USP38: variants seen among roughly 807,000 people sequenced by gnomAD.
USP38 encodes the protein ubiquitin carboxyl-terminal hydrolase 38.
A neutral mutation model predicts 94.3 loss-of-function variants in USP38; 49 were observed. The ratio of observed to expected loss-of-function variants is 0.52; its 90% CI spans 0.41 to 0.66. USP38 has a LOEUF of 0.66. Ranked by LOEUF, USP38 falls within the 30% of genes least tolerant of loss-of-function variation. USP38 has a pLI of 0.00. For synonymous variants in USP38, 468 were observed against 463.6 expected, an observed-to-expected ratio of 1.01 and a Z score of -0.12; for missense variants, 1,128 against 1,229.4, an observed-to-expected ratio of 0.92 and a Z score of 1.23.
At chr4:143,188,092 C>T in intron 2 of USP38, 131 bp downstream of exon 2, 2 of 1,111,848 alleles carry the variant, frequency 1.8e-6, no homozygotes, top group Non-Finnish European at 2.5e-6. Flanking sequence ...TAAAGATTCT[C>T]CAAATAGATT....
At position 143,221,602 on chromosome 4, in the gene USP38, C is replaced by T. The variant is rs952432649; in HGVS notation, c.*1146C>T. ...ATGTTAAAATGCCAAACCCTACCTT[C>T]CTACACTTTTTCTTTTGCCAGGAAA... On this transcript the variant is annotated 3_prime_UTR_variant, in exon 10 of 10. Coordinates refer to ENST00000307017, the MANE Select transcript of USP38 (RefSeq NM_032557.6). 4 of 152,208 alleles carry T rather than the reference C, an allele frequency of 2.6e-5. No homozygotes were observed. Among genetic ancestry groups the T allele is most frequent in the Admixed American group, 2.0e-4 (3 of 15,244 alleles). The allele number at this position is 152,208 out of a possible 1,614,324, so 9.4% of individuals were successfully genotyped here. A position where few individuals can be genotyped will look rare whatever the true frequency, so the allele number is the denominator to read the frequency against.
At position 143,222,375 on chromosome 4, in the gene USP38, T is replaced by C. The variant is rs1403945415; in HGVS notation, c.*1919T>C. 1 of 152,084 alleles carries C rather than the reference T, an allele frequency of 6.6e-6. No individual in the cohort carries two copies. Among genetic ancestry groups the C allele is most frequent in the African/African-American group, 2.4e-5 (1 of 41,452 alleles). The allele number at this position is 152,084 out of a possible 1,614,324, so 9.4% of individuals were successfully genotyped here. ...CACAGATACTCAAGTCCCTTATTTA[T>C]ATAAAATAGCACAGTATTTGCATAT... On this transcript the variant is annotated 3_prime_UTR_variant, in exon 10 of 10. Transcript: ENST00000307017.
Position 143,185,446 on chromosome 4 carries a change from C to T in USP38, c.-5C>T, listed in dbSNP as rs771304536. On this transcript the variant is annotated 5_prime_UTR_variant, in exon 1 of 10. Coordinates refer to ENST00000307017, the MANE Select transcript of USP38 (RefSeq NM_032557.6). ...CCCTGGCCCTGGCCTTGCAGCGTGG[C>T]GACAATGGACAAGATCCTGGAGGGC... The T allele has an allele frequency of 1.3e-6, 2 of 1,570,830 alleles. No individual in the cohort carries two copies. Among genetic ancestry groups the T allele is most frequent in the Non-Finnish European group, 1.7e-6 (2 of 1,155,100 alleles).
intron 9 of USP38, among the ~76,000 whole-genome samples, chr4:143,219,739 C>T (rs762125424): frequency 6.6e-6 from 1 of 152,036 alleles, no homozygotes; most frequent in African/African-American, 2.4e-5. Flanking sequence ...TGAAGCTAAG[C>T]ACCTAATAGT....
At chr4:143,189,002 G>C (rs1731313613) in intron 2 of USP38, among the ~76,000 whole-genome samples, 1 of 151,974 alleles carries the variant, frequency 6.6e-6, no homozygotes, top group Admixed American at 6.5e-5. Context: ...AAATAATTTA[G>C]TATGTTAGAT....
intron 4 of USP38, among the ~76,000 whole-genome samples, chr4:143,201,142 A>C (rs747084488): frequency 3.9e-5 from 6 of 152,220 alleles, no homozygotes; most frequent in African/African-American, 1.2e-4. Context: ...ACAGGGCTAC[A>C]GTAGTATATT....
chr4:143,201,107 A>G (rs150848624), intron 4 of USP38, among the ~76,000 whole-genome samples: 2 of 152,342 alleles, frequency 1.3e-5, no homozygotes, highest in Admixed American at 1.3e-4. Flanking sequence ...TGGAGCCATC[A>G]CATTACCCAG....
Position 143,213,659 on chromosome 4 carries a change from T to G in USP38, c.1683T>G (p.Ser561=), listed in dbSNP as rs772193654. ...PSEILECSET[S]LQEVASKAAV... is the part of the protein sequence containing the mutation. ...AAATTCTGGAATGCAGTGAAACTTC[T>G]TTACAGGAAGTAGCTAGTAAAGCAG... Residue 561 remains serine (S), a synonymous_variant, in exon 9 of 10, where the codon TCT becomes TCG. Transcript: ENST00000307017. The G allele has an allele frequency of 5.0e-6, 8 of 1,613,502 alleles. No homozygotes were observed. In the South Asian group the frequency reaches 8.8e-5, roughly 18 times the overall value.
intron 2 of USP38, among the ~76,000 whole-genome samples, chr4:143,194,512 T>G (rs1731488251): frequency 6.6e-6 from 1 of 151,108 alleles, no homozygotes; most frequent in Non-Finnish European, 1.5e-5. Flanking sequence ...TCAGTTGCTT[T>G]CTTTTTTTTT....
At chr4:143,215,205 T>C in intron 9 of USP38, 1 of 428,768 alleles carries the variant, frequency 2.3e-6, no homozygotes, top group Non-Finnish European at 4.2e-6. Flanking sequence ...AATCATGCCA[T>C]ACAAAATACA....
Position 143,213,682 on chromosome 4 carries a change from C to A in USP38, c.1706C>A (p.Ala569Glu). 6.2e-7 allele frequency: 1 copy of A among 1,613,578 alleles called. No homozygotes were observed. The highest frequency in any genetic ancestry group is 8.5e-7 in the Non-Finnish European group (1 of 1,179,742). Residue 569 changes from alanine (A) to glutamate (E), a missense_variant, in exon 9 of 10, where the codon GCA (alanine) becomes GAA (glutamate). Ala to Glu is a moderately radical substitution (Grantham distance 107). Coordinates refer to ENST00000307017, the MANE Select transcript of USP38 (RefSeq NM_032557.6). The part of the protein sequence containing the change: ...ETSLQEVASK[A>E]AVLTETPRTS... The stretch of plus-strand genomic sequence containing the variant: ...TCTTTACAGGAAGTAGCTAGTAAAG[C>A]AGCAGTACTAACAGAGACCCCTCGT...
chr4:143,213,956 T>C lies in USP38; in HGVS notation c.1980T>C (p.Tyr660=). Reference sequence around the variant, plus strand: ...GTCCTTCAGAAGAACCAGTAGTTTATAATCCAACAACAGCTGCCTTCATCT... The same window carrying C: ...GTCCTTCAGAAGAACCAGTAGTTTACAATCCAACAACAGCTGCCTTCATCT... ...VPGPSEEPVV[Y]NPTTAAFICD... is the part of the protein sequence containing the mutation. The change falls in exon 9 of 10, where the codon TAT becomes TAC. Residue 660 remains tyrosine (Y), a synonymous_variant. Coordinates refer to ENST00000307017, the MANE Select transcript of USP38 (RefSeq NM_032557.6). 1 of 1,613,646 alleles carries C rather than the reference T, an allele frequency of 6.2e-7. No homozygotes were observed. Among genetic ancestry groups the C allele is most frequent in the South Asian group, 1.1e-5 (1 of 91,060 alleles).
intron 2 of USP38, among the ~76,000 whole-genome samples, chr4:143,192,361 A>G (rs1334917464): frequency 2.6e-5 from 4 of 152,020 alleles, no homozygotes; most frequent in African/African-American, 9.7e-5. Flanking sequence ...ATGGGGTTTC[A>G]CCATGTTGGC....
chr4:143,220,487 G>GA lies in USP38; in HGVS notation c.*34dup, dbSNP rs1560676984. 34 of 1,591,900 alleles carry GA rather than the reference G, an allele frequency of 2.1e-5. No homozygotes were observed. The East Asian group carries it at 7.5e-4, about 35-fold the overall frequency. ...AGAGAGTCCAAAATGCACTGGTCAC[G>GA]AAACGTCTAATACTATGACTGTTAA... is the stretch of plus-strand genomic sequence containing the variant. On this transcript the variant is annotated 3_prime_UTR_variant, in exon 10 of 10. Coordinates refer to ENST00000307017, the MANE Select transcript of USP38 (RefSeq NM_032557.6).
intron 7 of USP38, among the ~76,000 whole-genome samples, chr4:143,211,469 A>T (rs11100781): frequency 1.3e-5 from 2 of 151,956 alleles, no homozygotes; most frequent in African/African-American, 4.8e-5. Context: ...TCATGCAAGC[A>T]AGCAGCAGGG....
chr4:143,211,105 T>G (rs1465819831), intron 7 of USP38, among the ~76,000 whole-genome samples: 1 of 151,974 alleles, frequency 6.6e-6, no homozygotes, highest in Non-Finnish European at 1.5e-5. Flanking sequence ...GGCAGATATA[T>G]ACTTTATTAA....
In USP38 at chr4:143,214,751, A is replaced by G. The variant is rs372581989; in HGVS notation, c.2775A>G (p.Ser925=). 4 of 1,613,664 alleles carry G rather than the reference A, an allele frequency of 2.5e-6. No homozygotes were observed. Among genetic ancestry groups the G allele is most frequent in the African/African-American group, 1.3e-5 (1 of 74,896 alleles). The part of the protein sequence containing the change: ...LFNDSRVTFT[S]FQSVQKITSR... Reference sequence around the variant, plus strand: ...ATGACAGTAGAGTGACATTTACTTCATTTCAGTCAGTCCAGAAAATTACGA... The same window carrying G: ...ATGACAGTAGAGTGACATTTACTTCGTTTCAGTCAGTCCAGAAAATTACGA... The change falls in exon 9 of 10, where the codon TCA becomes TCG. Residue 925 remains serine (S), a synonymous_variant. Transcript: ENST00000307017.
intron 3 of USP38, among the ~76,000 whole-genome samples, chr4:143,196,170 A>C (rs1345963213): frequency 6.6e-6 from 1 of 151,978 alleles, no homozygotes; most frequent in Non-Finnish European, 1.5e-5. Flanking sequence ...GGTTGGCATA[A>C]TGGTTCATGC....
intron 9 of USP38, among the ~76,000 whole-genome samples, chr4:143,215,879 T>C (rs1271370986): frequency 2.0e-5 from 3 of 152,076 alleles, no homozygotes; most frequent in African/African-American, 7.2e-5. Flanking sequence ...ACAAAAACAA[T>C]AAACTTTACA....
Sources: gnomAD v4.1 joint callset for allele counts (sites outside exome capture counted in the v4.1 genomes callset) on GRCh38, gnomAD v4.1.1 for gene constraint, MANE v1.5 for transcripts, NCBI Gene and HGNC (gene_info 2026-07-23, HGNC 2026-07-21) for gene names.